Variants in TSHR observed in about 807,000 individuals in gnomAD.
The protein encoded by TSHR is thyroid stimulating hormone receptor.
In TSHR, 51 loss-of-function variants were observed where a neutral mutation model predicts 64.1. The observed-to-expected ratio is 0.80, with a 90% CI of 0.64 to 1.01. The LOEUF (loss-of-function observed/expected upper bound fraction) is 1.01. TSHR is among the 50% of genes least tolerant of loss of function. The pLI, the probability that TSHR is intolerant of heterozygous loss-of-function variation, is 0.00. For synonymous variants in TSHR, 361 were observed against 361.9 expected, an observed-to-expected ratio of 1.00 and a Z score of 0.03; for missense variants, 877 against 942.8, an observed-to-expected ratio of 0.93 and a Z score of 0.91.
intron 1 of TSHR, among the ~76,000 whole-genome samples, chr14:81,015,615 T>G (rs1890141284): frequency 6.6e-6 from 1 of 152,164 alleles, no homozygotes; most frequent in Non-Finnish European, 1.5e-5. Flanking sequence ...ACCTTACATA[T>G]TCATCATTTT....
At chr14:81,038,942 T>C (rs1240154232) in intron 1 of TSHR, among the ~76,000 whole-genome samples, 1 of 151,730 alleles carries the variant, frequency 6.6e-6, no homozygotes, top group Non-Finnish European at 1.5e-5. Context: ...GATGGCTTCA[T>C]TGCTGAATTC....
At chr14:81,073,877 A>G (rs1304493106) in intron 3 of TSHR, among the ~76,000 whole-genome samples, 1 of 152,098 alleles carries the variant, frequency 6.6e-6, no homozygotes. Context: ...AAAATTGAAA[A>G]CCAAATCTTC....
intron 1 of TSHR, among the ~76,000 whole-genome samples, chr14:80,975,183 C>T (rs144238835): frequency 1.6e-4 from 24 of 152,296 alleles, no homozygotes; most frequent in Admixed American, 6.5e-4. Context: ...AAGACTATGG[C>T]AGGTTATTGT....
chr14:80,973,560 C>T (rs1011276221), intron 1 of TSHR, among the ~76,000 whole-genome samples: 1 of 152,062 alleles, frequency 6.6e-6, no homozygotes, highest in Non-Finnish European at 1.5e-5. Context: ...GCATTTATCC[C>T]TTCTGGATCT....
intron 3 of TSHR, among the ~76,000 whole-genome samples, chr14:81,076,881 C>T (rs770335486): frequency 6.6e-6 from 1 of 152,292 alleles, no homozygotes; most frequent in East Asian, 1.9e-4. Flanking sequence ...CAGCCAGGCC[C>T]ACAAGTTCAG....
intron 1 of TSHR, among the ~76,000 whole-genome samples, chr14:81,029,346 A>C (rs1042964802): frequency 6.6e-6 from 1 of 152,040 alleles, no homozygotes; most frequent in African/African-American, 2.4e-5. Context: ...TTTGAGGATT[A>C]TATATATTAG....
chr14:81,090,597 G>A (rs1399704338), intron 4 of TSHR, among the ~76,000 whole-genome samples: 3 of 141,856 alleles, frequency 2.1e-5, no homozygotes, highest in African/African-American at 8.2e-5. Context: ...GGTCACTGCT[G>A]TAGGAAAGAT....
chr14:80,998,907 C>A (rs753680262), intron 1 of TSHR, among the ~76,000 whole-genome samples: 6 of 152,200 alleles, frequency 3.9e-5, no homozygotes, highest in Non-Finnish European at 7.3e-5. Flanking sequence ...AAAAGTACAT[C>A]TCCATGACTA....
intron 1 of TSHR, among the ~76,000 whole-genome samples, chr14:81,031,466 C>T (rs555114079): frequency 9.2e-5 from 14 of 152,008 alleles, no homozygotes; most frequent in Non-Finnish European, 2.1e-4. Context: ...TAGAAAAAAA[C>T]ATGAGGCTTT....
At chr14:80,967,808 G>A (rs1947240157) in intron 1 of TSHR, among the ~76,000 whole-genome samples, 1 of 152,170 alleles carries the variant, frequency 6.6e-6, no homozygotes, top group African/African-American at 2.4e-5. Context: ...AGAAAGCAGA[G>A]CCCATGTGAG....
At chr14:81,019,819 A>T (rs908018978) in intron 1 of TSHR, among the ~76,000 whole-genome samples, 1 of 152,144 alleles carries the variant, frequency 6.6e-6, no homozygotes, top group African/African-American at 2.4e-5. Context: ...ATAGTATTCT[A>T]TAGTGTATGT....
At chr14:80,980,221 ATT>A (rs2139719530) in intron 1 of TSHR, among the ~76,000 whole-genome samples, 1 of 148,450 alleles carries the variant, frequency 6.7e-6, no homozygotes, top group East Asian at 2.0e-4. Context: ...TTGTGGGAAC[ATT>A]CTTTATTTCC....
chr14:80,956,413 G>T (rs187681166), intron 1 of TSHR, among the ~76,000 whole-genome samples: 1 of 152,148 alleles, frequency 6.6e-6, no homozygotes, highest in Non-Finnish European at 1.5e-5. Flanking sequence ...GAAATAGTAC[G>T]TCCAGAACCC....
At chr14:80,974,946 G>A (rs1887786916) in intron 1 of TSHR, among the ~76,000 whole-genome samples, 1 of 152,250 alleles carries the variant, frequency 6.6e-6, no homozygotes, top group Non-Finnish European at 1.5e-5. Flanking sequence ...CACAGTAAGA[G>A]TGCTAAGTAG....
chr14:80,963,097 A>C (rs576790380), intron 1 of TSHR, among the ~76,000 whole-genome samples: 2 of 152,358 alleles, frequency 1.3e-5, no homozygotes, highest in South Asian at 4.1e-4. Context: ...GAATAGCAAG[A>C]CCAATCTATT....
At chr14:80,992,013 A>G (rs1888749123) in intron 1 of TSHR, 1 of 161,702 alleles carries the variant, frequency 6.2e-6, no homozygotes, top group Non-Finnish European at 1.3e-5. Context: ...TGGTTCTCCT[A>G]TAAACTGGGG....
chr14:80,968,153 T>C (rs993536434), intron 1 of TSHR, among the ~76,000 whole-genome samples: 1 of 152,108 alleles, frequency 6.6e-6, no homozygotes, highest in Non-Finnish European at 1.5e-5. Context: ...TGAGATGCAG[T>C]ACTGTCGAGT....
intron 8 of TSHR, among the ~76,000 whole-genome samples, chr14:81,129,724 C>T (rs1891159530): frequency 6.6e-6 from 1 of 152,208 alleles, no homozygotes; most frequent in Non-Finnish European, 1.5e-5. Flanking sequence ...TCATGTCCCA[C>T]TACCACATCT....
Position 81,104,937 on chromosome 14 carries a change from A to G in TSHR, c.615-3438A>G, listed in dbSNP as rs987861422. 4 of 985,326 alleles carry G rather than the reference A, an allele frequency of 4.1e-6. No homozygotes were observed. In the African/African-American group the frequency reaches 7.0e-5, roughly 17 times the overall value. The allele number at this position is 985,326 out of a possible 1,614,324, so 61.0% of individuals were successfully genotyped here. A position where few individuals can be genotyped will look rare whatever the true frequency, so the allele number is the denominator to read the frequency against. On this transcript the variant is annotated intron_variant, in intron 7 of 9. Coordinates refer to ENST00000298171, the MANE Select transcript of TSHR (RefSeq NM_000369.5). ...TGTCTATCTTATTTTTAAAGGAAATACCAGTTCTTTTCTCATAAGCCCTTT... is the reference window on the plus strand; with the variant it reads ...TGTCTATCTTATTTTTAAAGGAAATGCCAGTTCTTTTCTCATAAGCCCTTT...
Sources: allele counts gnomAD v4.1 joint callset (sites outside exome capture counted in the v4.1 genomes callset), GRCh38; gene constraint gnomAD v4.1.1; transcripts MANE v1.5; gene names NCBI Gene and HGNC (gene_info 2026-07-23, HGNC 2026-07-21).